The following RASSF3 variants were observed in gnomAD, a reference collection of about 807,000 sequenced individuals.
RASSF3 encodes the protein Ras association domain family member 3, also known as ras association domain-containing protein 3.
In RASSF3, 19 loss-of-function variants were observed where a neutral mutation model predicts 19.9. The ratio of observed to expected loss-of-function variants is 0.96; its 90% confidence interval spans 0.67 to 1.40. RASSF3 has a LOEUF of 1.40. Ranked by LOEUF, RASSF3 falls within the 40% of genes most tolerant of loss-of-function variation. RASSF3 has a pLI of 0.00. For missense variants in RASSF3, 306 were observed against 289.8 expected (o/e 1.06, Z -0.41); for synonymous variants, 110 against 104.2 (o/e 1.06, Z -0.34).
At chr12:64,516,968 C>T (rs941043235) in intron 1 of RASSF3, among the ~76,000 whole-genome samples, 3 of 126,664 alleles carry the variant, frequency 2.4e-5, no homozygotes, top group Non-Finnish European at 4.7e-5. Flanking sequence ...CATTGCACTC[C>T]AGCCTGGGTG....
intron 2 of RASSF3, among the ~76,000 whole-genome samples, chr12:64,550,827 AAAAAAAGAAAGAAAGAAAGG>A (rs1366568351): frequency 6.7e-6 from 1 of 149,470 alleles, no homozygotes; most frequent in Non-Finnish European, 1.5e-5. Flanking sequence ...TCTCAAAAAA[AAAAAAAGAAAGAAAGAAAGG>A]AAAAAAAAAA....
chr12:64,653,327 A>G (rs1027162213), intron 1 of RASSF3, among the ~76,000 whole-genome samples: 5 of 151,960 alleles, frequency 3.3e-5, no homozygotes, highest in Non-Finnish European at 7.4e-5. Flanking sequence ...TAATCCTCCC[A>G]CTTCAGCCTC....
chr12:64,662,605 T>C (rs945997009), intron 1 of RASSF3, among the ~76,000 whole-genome samples: 2 of 152,200 alleles, frequency 1.3e-5, no homozygotes, highest in Non-Finnish European at 2.9e-5. Context: ...TGCCTAGATA[T>C]ATGTTAGATT....
At chr12:64,527,424 G>A (rs1175652527) in intron 1 of RASSF3, among the ~76,000 whole-genome samples, 1 of 152,060 alleles carries the variant, frequency 6.6e-6, no homozygotes, top group Non-Finnish European at 1.5e-5. Context: ...CACTAATATG[G>A]CACACAGTAA....
intron 1 of RASSF3, among the ~76,000 whole-genome samples, chr12:64,535,997 T>TC (rs907843245): frequency 1.7e-4 from 10 of 59,042 alleles, no homozygotes; most frequent in African/African-American, 3.4e-4. Flanking sequence ...TGTTTTCACT[T>TC]TTTTTTTTTT....
chr12:64,603,108 G>GA (rs1011070653), intron 2 of RASSF3, among the ~76,000 whole-genome samples: 14 of 149,806 alleles, frequency 9.3e-5, no homozygotes, highest in South Asian at 8.5e-4. Context: ...CAAAAAAAAA[G>GA]AAAAAAAAAG....
intron 1 of RASSF3, among the ~76,000 whole-genome samples, chr12:64,665,835 G>A (rs561321111): frequency 1.3e-5 from 2 of 152,338 alleles, no homozygotes; most frequent in East Asian, 3.9e-4. Flanking sequence ...TCTTTCCTAA[G>A]TGCAGTTGAG....
intron 2 of RASSF3, among the ~76,000 whole-genome samples, chr12:64,553,808 C>T (rs552690830): frequency 2.6e-4 from 39 of 152,028 alleles, no homozygotes; most frequent in Non-Finnish European, 5.1e-4. Flanking sequence ...AAAAACCTGT[C>T]TCTACAAGAA....
chr12:64,536,773 C>T (rs1868836708), intron 1 of RASSF3, among the ~76,000 whole-genome samples: 1 of 151,882 alleles, frequency 6.6e-6, no homozygotes, highest in African/African-American at 2.4e-5. Flanking sequence ...GATTCAGTGC[C>T]CTTTTCCCTT....
At chr12:64,562,344 C>T (rs1024668090) in intron 2 of RASSF3, among the ~76,000 whole-genome samples, 3 of 152,014 alleles carry the variant, frequency 2.0e-5, no homozygotes, top group African/African-American at 7.2e-5. Flanking sequence ...CCTGAGTACC[C>T]ACCGCATTTA....
chr12:64,641,760 TG>T (rs1871541218), intron 1 of RASSF3, among the ~76,000 whole-genome samples: 2 of 151,164 alleles, frequency 1.3e-5, no homozygotes, highest in African/African-American at 2.4e-5. Flanking sequence ...TTTTTTTTTT[TG>T]GATGGAGTTT....
intron 2 of RASSF3, among the ~76,000 whole-genome samples, chr12:64,561,434 G>A (rs1869345078): frequency 6.6e-6 from 1 of 152,116 alleles, no homozygotes; most frequent in African/African-American, 2.4e-5. Flanking sequence ...TGGCATTTCT[G>A]GCCCCAGGGA....
chr12:64,681,757 A>C (rs944469203), intron 1 of RASSF3, among the ~76,000 whole-genome samples: 10 of 152,222 alleles, frequency 6.6e-5, no homozygotes, highest in Non-Finnish European at 1.2e-4. Context: ...TCATACCTGT[A>C]ATCTCAGCAC....
At chr12:64,611,128 TC>T (rs1242440220) in intron 1 of RASSF3, among the ~76,000 whole-genome samples, 13 of 152,012 alleles carry the variant, frequency 8.6e-5, no homozygotes, top group Admixed American at 5.9e-4. Context: ...CGCCTGTCCT[TC>T]CTGTTAGTCA....
chr12:64,674,719 T>A (rs991238663), intron 1 of RASSF3, among the ~76,000 whole-genome samples: 19 of 151,986 alleles, frequency 1.3e-4, no homozygotes, highest in African/African-American at 4.6e-4. Flanking sequence ...GGCAGGGAGG[T>A]AACTGAGGGC....
At chr12:64,600,258 C>G (rs1485378964) in intron 2 of RASSF3, among the ~76,000 whole-genome samples, 1 of 152,030 alleles carries the variant, frequency 6.6e-6, no homozygotes, top group Non-Finnish European at 1.5e-5. Context: ...GAGTTCCAGA[C>G]CAGGCTGGGC....
chr12:64,684,648 A>C, intron 1 of RASSF3, 139 bp from the exon 2 acceptor site: 2 of 581,744 alleles, frequency 3.4e-6, no homozygotes, highest in Non-Finnish European at 6.2e-6. Context: ...TCAGGGTGGT[A>C]TTGAACTCCC....
chr12:64,674,133 G>A (rs1872796776), intron 1 of RASSF3, among the ~76,000 whole-genome samples: 1 of 152,158 alleles, frequency 6.6e-6, no homozygotes, highest in African/African-American at 2.4e-5. Flanking sequence ...TAGGGGGCAT[G>A]CTTTGAAGGA....
intron 2 of RASSF3, among the ~76,000 whole-genome samples, chr12:64,601,181 C>T (rs1233289759): frequency 6.6e-6 from 1 of 151,954 alleles, no homozygotes; most frequent in African/African-American, 2.4e-5. Context: ...CCCAGCTACT[C>T]GGGAGGCTGA....
Sources: gnomAD v4.1 joint callset for allele counts (sites outside exome capture counted in the v4.1 genomes callset) on GRCh38, gnomAD v4.1.1 for gene constraint, MANE v1.5 for transcripts, NCBI Gene and HGNC (gene_info 2026-07-23, HGNC 2026-07-21) for gene names.